The following HMGN5 variants were observed in gnomAD, a reference collection of about 807,000 sequenced individuals.
HMGN5 encodes the protein high mobility group nucleosome-binding domain-containing protein 5.
In HMGN5, 4 loss-of-function variants were observed where a neutral mutation model predicts 9.5. That is an observed-to-expected ratio of 0.42 (90% confidence interval 0.21 to 0.96). The LOEUF (loss-of-function observed/expected upper bound fraction) is 0.96, where lower values mean the gene tolerates loss of function less well. Among genes scored for constraint, HMGN5 ranks in the 40% least tolerant of loss-of-function variants. HMGN5 has a pLI of 0.30. For missense variants in HMGN5, 192 were observed against 187.5 expected, an observed-to-expected ratio of 1.02 and a Z score of -0.14; for synonymous variants, 55 against 57.1, an observed-to-expected ratio of 0.96 and a Z score of 0.16.
chrX:81,192,865 A>G (rs1046315871), intron 1 of HMGN5, among the ~76,000 whole-genome samples: 1 of 108,828 alleles, frequency 9.2e-6, no homozygotes, highest in African/African-American at 3.5e-5. Context: ...ATGTACAGTC[A>G]GCAATAATTT....
At chrX:81,118,688 C>T (rs746368489) in intron 4 of HMGN5, 42 bp downstream of exon 4, 14 of 1,104,548 alleles carry the variant, frequency 1.3e-5, no homozygotes, top group South Asian at 4.1e-5. Flanking sequence ...TTTAAAATGA[C>T]GTTTCACAAT....
intron 1 of HMGN5, among the ~76,000 whole-genome samples, chrX:81,200,228 T>C (rs1488424078): frequency 9.0e-6 from 1 of 111,404 alleles, no homozygotes; most frequent in African/African-American, 3.3e-5. Flanking sequence ...TGGAGAGGGT[T>C]TGGAGAAATA....
At chrX:81,173,906 C>T (rs1387053450) in intron 1 of HMGN5, among the ~76,000 whole-genome samples, 1 of 111,176 alleles carries the variant, frequency 9.0e-6, no homozygotes, top group Non-Finnish European at 1.9e-5. Flanking sequence ...TTGCATTTAT[C>T]GTTATCTTAT....
chrX:81,133,848 C>T (rs1310911209), intron 1 of HMGN5, among the ~76,000 whole-genome samples: 1 of 111,341 alleles, frequency 9.0e-6, no homozygotes, highest in Non-Finnish European at 1.9e-5. Context: ...CACCTGTACC[C>T]CTAAACTTAA....
intron 1 of HMGN5, among the ~76,000 whole-genome samples, chrX:81,198,573 A>G (rs2075515790): frequency 8.9e-6 from 1 of 112,071 alleles, no homozygotes; most frequent in Non-Finnish European, 1.9e-5. Context: ...CTAGTTCAAT[A>G]TATGCAAATC....
At chrX:81,126,723 T>A (rs2075284760) in intron 1 of HMGN5, among the ~76,000 whole-genome samples, 1 of 111,816 alleles carries the variant, frequency 8.9e-6, no homozygotes, top group African/African-American at 3.2e-5. Context: ...CCCTTAAATT[T>A]ATTTATATAC....
At chrX:81,189,367 C>T (rs1427614538) in intron 1 of HMGN5, among the ~76,000 whole-genome samples, 2 of 111,402 alleles carry the variant, frequency 1.8e-5, no homozygotes, top group Non-Finnish European at 3.8e-5. Flanking sequence ...AGAATATTTT[C>T]AAATAGCTCT....
At chrX:81,197,437 G>A (rs1297137863) in intron 1 of HMGN5, among the ~76,000 whole-genome samples, 2 of 111,998 alleles carry the variant, frequency 1.8e-5, no homozygotes, top group Non-Finnish European at 3.8e-5. Flanking sequence ...AAGTTTAAAA[G>A]TAGGTAAAAT....
In HMGN5 at chrX:81,194,489, T is replaced by C. The variant is rs182494964; in HGVS notation, c.-124+7248A>G. Among the ~76,000 whole-genome samples, 215 of 111,750 alleles carry C rather than the reference T, an allele frequency of 1.9e-3. 2 individuals carry two copies. The highest frequency in any genetic ancestry group is 5.9e-3 in the African/African-American group (183 of 30,894). Reference sequence around the variant, plus strand: ...GAAAATATATAAATGGCAATAAATATATGAAAAGATGCACAACTTCTTAGT... The same window carrying C: ...GAAAATATATAAATGGCAATAAATACATGAAAAGATGCACAACTTCTTAGT... On this transcript the variant is annotated intron_variant, in intron 1 of 6. Coordinates refer to ENST00000358130, the MANE Select transcript of HMGN5 (RefSeq NM_030763.3).
At chrX:81,133,243 T>C (rs961504096) in intron 1 of HMGN5, among the ~76,000 whole-genome samples, 1 of 111,698 alleles carries the variant, frequency 9.0e-6, no homozygotes, top group Non-Finnish European at 1.9e-5. Flanking sequence ...GGAACGCTTA[T>C]ACAGTGTTTA....
intron 5 of HMGN5, among the ~76,000 whole-genome samples, chrX:81,117,170 T>G (rs1254986565): frequency 9.0e-6 from 1 of 111,154 alleles, no homozygotes; most frequent in African/African-American, 3.3e-5. Flanking sequence ...TTTTAACACA[T>G]GAGAAACAGA....
At chrX:81,134,784 G>T (rs2147549196) in intron 1 of HMGN5, among the ~76,000 whole-genome samples, 1 of 111,795 alleles carries the variant, frequency 8.9e-6, no homozygotes, top group Non-Finnish European at 1.9e-5. Flanking sequence ...GTGGATCAAT[G>T]GAATAGAACT....
chrX:81,131,605 T>C (rs1179619251), intron 1 of HMGN5, among the ~76,000 whole-genome samples: 1 of 111,772 alleles, frequency 8.9e-6, no homozygotes, highest in Non-Finnish European at 1.9e-5. Context: ...ATGGCATATG[T>C]ACCATCATGT....
chrX:81,159,551 A>G (rs946862105), intron 1 of HMGN5, among the ~76,000 whole-genome samples: 2 of 111,724 alleles, frequency 1.8e-5, no homozygotes, highest in South Asian at 7.6e-4. Flanking sequence ...CAGAGGGCCA[A>G]AGCATCTTGG....
intron 1 of HMGN5, among the ~76,000 whole-genome samples, chrX:81,186,233 T>C (rs931047841): frequency 1.8e-5 from 2 of 111,818 alleles, no homozygotes; most frequent in African/African-American, 6.5e-5. Flanking sequence ...AGTGAAACCA[T>C]TGGGTGCCAG....
chrX:81,165,035 C>T (rs1433695845), intron 1 of HMGN5, among the ~76,000 whole-genome samples: 1 of 111,345 alleles, frequency 9.0e-6, no homozygotes, highest in African/African-American at 3.3e-5. Flanking sequence ...AGCTCACTTT[C>T]TATCTGGGAG....
chrX:81,118,455 G>C lies in HMGN5; in HGVS notation c.106C>G (p.Pro36Ala), dbSNP rs1326401308. 1 of 1,172,288 alleles carries C rather than the reference G, an allele frequency of 8.5e-7. No homozygotes were observed. Among genetic ancestry groups the C allele is most frequent in the African/African-American group, 1.8e-5 (1 of 55,821 alleles). Residue 36 changes from proline (P) to alanine (A), a missense_variant, in exon 5 of 7, where the codon CCT becomes GCT. By Grantham distance (27) the Pro-to-Ala change is conservative. Transcript: ENST00000358130. ...MLVPVTPEVK[P>A]KRTSSSRKMK... ...ACCCTTGAACTTGATGTTCTTTTAG[G>C]CTTCACCTCTGGTGTAACTGGCACA...
intron 1 of HMGN5, among the ~76,000 whole-genome samples, chrX:81,160,184 G>A (rs1211134254): frequency 5.4e-5 from 6 of 111,320 alleles, no homozygotes; most frequent in Non-Finnish European, 1.1e-4. Context: ...TTTAGGATTT[G>A]TTGGGTGTTT....
chrX:81,199,714 T>C (rs2075519717), intron 1 of HMGN5, among the ~76,000 whole-genome samples: 1 of 112,109 alleles, frequency 8.9e-6, no homozygotes, highest in African/African-American at 3.2e-5. Flanking sequence ...TTACACCGTA[T>C]ACAAAAATTG....
Sources: allele counts gnomAD v4.1 joint callset (sites outside exome capture counted in the v4.1 genomes callset), GRCh38; gene constraint gnomAD v4.1.1; transcripts MANE v1.5; gene names NCBI Gene and HGNC (gene_info 2026-07-23, HGNC 2026-07-21).